The following PAX7 variants were observed in gnomAD, a reference collection of about 807,000 sequenced individuals.
PAX7 encodes the protein paired box 7.
In PAX7, 18 loss-of-function variants were observed where a neutral mutation model predicts 50.7. That is an observed-to-expected ratio of 0.36 (90% confidence interval 0.25 to 0.53). The LOEUF (loss-of-function observed/expected upper bound fraction) is 0.53. Ranked by LOEUF, PAX7 falls within the 20% of genes least tolerant of loss-of-function variation. PAX7 has a pLI of 0.93. For synonymous variants in PAX7, 310 were observed against 290.4 expected (o/e 1.07, Z -0.69); for missense variants, 644 against 702.9 (o/e 0.92, Z 0.95).
At chr1:18,675,737 G>A (rs897463373) in intron 4 of PAX7, among the ~76,000 whole-genome samples, 3 of 152,238 alleles carry the variant, frequency 2.0e-5, no homozygotes, top group Admixed American at 6.5e-5. Context: ...TCAGAACGGG[G>A]CTCATACCTG....
chr1:18,697,334 T>A (rs1359585235), intron 5 of PAX7, among the ~76,000 whole-genome samples: 1 of 152,204 alleles, frequency 6.6e-6, no homozygotes, highest in Admixed American at 6.5e-5. Context: ...TTAGAGCGTT[T>A]ATTTCCCTCT....
intron 8 of PAX7, among the ~76,000 whole-genome samples, chr1:18,741,905 G>A (rs1243518298): frequency 1.3e-5 from 2 of 152,218 alleles, no homozygotes; most frequent in African/African-American, 2.4e-5. Flanking sequence ...GACTGCCTGG[G>A]TTTGAATCCT....
At chr1:18,718,240 T>A (rs2089451645) in intron 7 of PAX7, among the ~76,000 whole-genome samples, 1 of 152,016 alleles carries the variant, frequency 6.6e-6, no homozygotes, top group African/African-American at 2.4e-5. Context: ...AGGGGTAACT[T>A]TGGAAAGCAG....
chr1:18,670,082 CAAAAAAAA>C, intron 4 of PAX7, among the ~76,000 whole-genome samples: 1 of 81,344 alleles, frequency 1.2e-5, no homozygotes, highest in Admixed American at 1.5e-4. Flanking sequence ...GACTCCATCT[CAAAAAAAA>C]AAAAAAAAAA....
chr1:18,649,646 C>G (rs889136315), intron 4 of PAX7, among the ~76,000 whole-genome samples: 1 of 152,212 alleles, frequency 6.6e-6, no homozygotes, highest in Non-Finnish European at 1.5e-5. Flanking sequence ...CCATAAGCAC[C>G]TACTGGGATC....
intron 4 of PAX7, among the ~76,000 whole-genome samples, chr1:18,687,959 G>A (rs941528177): frequency 6.6e-6 from 1 of 152,162 alleles, no homozygotes; most frequent in East Asian, 1.9e-4. Context: ...CTAGAAAGCT[G>A]CAGGTGACTT....
intron 4 of PAX7, among the ~76,000 whole-genome samples, chr1:18,681,382 C>T (rs980476882): frequency 1.3e-5 from 2 of 152,140 alleles, no homozygotes; most frequent in African/African-American, 4.8e-5. Context: ...TCAACTTCAA[C>T]CTCTTGCTTC....
rs1260680107 is a variant in PAX7 at position 18,700,916 on chromosome 1, C to A, written c.952+98C>A. On this transcript the variant is annotated intron_variant, in intron 6 of 8. Coordinates refer to ENST00000420770, the MANE Select transcript of PAX7 (RefSeq NM_001135254.2). The surrounding 1 kb of genome is among the most constrained non-coding windows in gnomAD (Gnocchi z 4.8). The stretch of plus-strand genomic sequence containing the variant: ...GCTCTTCTTTTTTTTATGACCATTT[C>A]TTACTTTCATGTAAGCAGGCTATTG... The A allele has an allele frequency of 8.5e-7, 1 of 1,169,854 alleles. No homozygotes were observed. The highest frequency in any genetic ancestry group is 1.6e-5 in the African/African-American group (1 of 61,714). 72.5% of individuals were successfully genotyped at this position (1,169,854 alleles called of 1,614,324 possible). A position where few individuals can be genotyped will look rare whatever the true frequency, so the allele number is the denominator to read the frequency against.
intron 8 of PAX7, among the ~76,000 whole-genome samples, chr1:18,736,815 T>G (rs1930713046): frequency 6.6e-6 from 1 of 152,222 alleles, no homozygotes; most frequent in Non-Finnish European, 1.5e-5. Context: ...GACTTTAAAT[T>G]AGTTCAAGTG....
chr1:18,704,270 G>A (rs919472480), intron 7 of PAX7, among the ~76,000 whole-genome samples: 2 of 152,222 alleles, frequency 1.3e-5, no homozygotes, highest in Admixed American at 1.3e-4. Flanking sequence ...ATACAGCCAT[G>A]TCCATTTATG....
At position 18,631,300 on chromosome 1, in the gene PAX7, G is replaced by T; in HGVS notation, c.-304G>T. On this transcript the variant is annotated 5_prime_UTR_variant, in exon 1 of 9. Transcript: ENST00000420770. ...GGCGCATCAGCCCGCACAACTTCTG[G>T]CCGAGGCCAGCCGGCAGAGGCGGAC... 3.2e-6 allele frequency: 1 copy of T among 309,542 alleles called. No individual in the cohort carries two copies. The highest frequency in any genetic ancestry group is 6.0e-6 in the Non-Finnish European group (1 of 165,838). 19.2% of individuals were successfully genotyped at this position (309,542 alleles called of 1,614,324 possible).
chr1:18,630,963 C>A lies in PAX7; in HGVS notation c.-641C>A, dbSNP rs1405099016. The A allele has an allele frequency of 9.3e-6, 2 of 214,178 alleles. 1 individual carries two copies. The highest frequency in any genetic ancestry group is 1.9e-5 in the Non-Finnish European group (2 of 105,904). 13.3% of individuals were successfully genotyped at this position (214,178 alleles called of 1,614,324 possible). ...TCCAGCCCTGAAACCCGAGGAGGCT[C>A]CTTCTTCCGTCTGTCCCCGGGTCTC... On this transcript the variant is annotated 5_prime_UTR_variant, in exon 1 of 9. Coordinates refer to ENST00000420770, the MANE Select transcript of PAX7 (RefSeq NM_001135254.2).
At chr1:18,715,034 C>G (rs939197949) in intron 7 of PAX7, among the ~76,000 whole-genome samples, 8 of 152,220 alleles carry the variant, frequency 5.3e-5, no homozygotes, top group African/African-American at 1.9e-4. Flanking sequence ...GATGGTTGGG[C>G]AATCGGGCCT....
At chr1:18,673,038 C>T (rs1427791745) in intron 4 of PAX7, among the ~76,000 whole-genome samples, 1 of 152,090 alleles carries the variant, frequency 6.6e-6, no homozygotes, top group Non-Finnish European at 1.5e-5. Flanking sequence ...ATTTCCAAGG[C>T]CTCCTCACTG....
chr1:18,665,869 G>A (rs984194931), intron 4 of PAX7, among the ~76,000 whole-genome samples: 9 of 151,002 alleles, frequency 6.0e-5, no homozygotes, highest in South Asian at 2.1e-4. Context: ...ACAAAGTTTC[G>A]CCACGTTGTC....
chr1:18,638,389 A>G (rs908192383), intron 4 of PAX7, among the ~76,000 whole-genome samples: 2 of 152,238 alleles, frequency 1.3e-5, no homozygotes, highest in African/African-American at 4.8e-5. Context: ...TTTTCCCTGC[A>G]GCAGAACCAG....
rs2089206730 is a variant in PAX7 at position 18,700,622 on chromosome 1, G to C, written c.787-31G>C. ...GCTCTCTGCCAGGAACCTGGCCGAGGGGTCTCCATTCTCTGCTCTCCACCT... is the reference window on the plus strand; with the variant it reads ...GCTCTCTGCCAGGAACCTGGCCGAGCGGTCTCCATTCTCTGCTCTCCACCT... On this transcript the variant is annotated intron_variant, in intron 5 of 8. Coordinates refer to ENST00000420770, the MANE Select transcript of PAX7 (RefSeq NM_001135254.2). The surrounding 1 kb of genome is among the most constrained non-coding windows in gnomAD (Gnocchi z 4.8). The C allele has an allele frequency of 6.7e-7, 1 of 1,488,068 alleles. No homozygotes were observed. 92.2% of individuals were successfully genotyped at this position (1,488,068 alleles called of 1,614,324 possible). A position where few individuals can be genotyped will look rare whatever the true frequency, so the allele number is the denominator to read the frequency against.
chr1:18,717,875 G>A (rs1394664812), intron 7 of PAX7, among the ~76,000 whole-genome samples: 2 of 152,224 alleles, frequency 1.3e-5, no homozygotes, highest in Admixed American at 6.5e-5. Context: ...TGAGCCAGAA[G>A]CCTCCAGAGA....
Position 18,747,043 on chromosome 1 carries a change from G to A in PAX7, c.*2114G>A. On this transcript the variant is annotated 3_prime_UTR_variant, in exon 9 of 9. Transcript: ENST00000420770. ...GACTCTGTTGTCCCTTGGTAACCCA[G>A]TCCCTGCTTTTGTAGCTATCACAGC... 4.3e-6 allele frequency: 1 copy of A among 230,592 alleles called. No individual in the cohort carries two copies. Among genetic ancestry groups the A allele is most frequent in the African/African-American group, 2.2e-5 (1 of 45,304 alleles). The allele number at this position is 230,592 out of a possible 1,614,324, so 14.3% of individuals were successfully genotyped here. A position where few individuals can be genotyped will look rare whatever the true frequency, so the allele number is the denominator to read the frequency against.
Sources: allele counts gnomAD v4.1 joint callset (sites outside exome capture counted in the v4.1 genomes callset), GRCh38; gene constraint gnomAD v4.1.1; non-coding constraint Gnocchi (gnomAD v3.1); transcripts MANE v1.5; gene names NCBI Gene and HGNC (gene_info 2026-07-23, HGNC 2026-07-21).